NIBAN3: variants seen among roughly 807,000 people sequenced by gnomAD.
The protein encoded by NIBAN3 is protein Niban 3.
A neutral mutation model predicts 76.4 loss-of-function variants in NIBAN3; 66 were observed. The ratio of observed to expected loss-of-function variants is 0.86; its 90% CI spans 0.71 to 1.06. The LOEUF (loss-of-function observed/expected upper bound fraction) is 1.06. Ranked by LOEUF, NIBAN3 falls within the 50% of genes least tolerant of loss-of-function variation. The pLI, the probability that NIBAN3 is intolerant of heterozygous loss-of-function variation, is 0.00. For synonymous variants in NIBAN3, 360 were observed against 355.2 expected (o/e 1.01, Z -0.15); for missense variants, 808 against 810.7 (o/e 1.00, Z 0.04).
upstream of NIBAN3, chr19:17,523,530 C>T (rs894188615): frequency 5.9e-6 from 8 of 1,358,330 alleles, no homozygotes; most frequent in Non-Finnish European, 7.1e-6. Flanking sequence ...AGGCCGTGGC[C>T]CCCAGAGCGG....
chr19:17,550,476 G>A (rs886090640), intron 14 of NIBAN3, among the ~76,000 whole-genome samples: 11 of 152,056 alleles, frequency 7.2e-5, no homozygotes, highest in African/African-American at 2.7e-4. Context: ...AGACCAGCCT[G>A]GACAACATAG....
At chr19:17,539,568 T>C (rs2075899237) in intron 7 of NIBAN3, 35 bp from the exon 8 acceptor site, 1 of 1,494,364 alleles carries the variant, frequency 6.7e-7, no homozygotes, top group Non-Finnish European at 9.0e-7. Flanking sequence ...CCGCCCCGTG[T>C]CTCGGCTTTG....
At chr19:17,538,143 G>A (rs750100191) in intron 5 of NIBAN3, among the ~76,000 whole-genome samples, 17 of 151,824 alleles carry the variant, frequency 1.1e-4, no homozygotes, top group African/African-American at 2.9e-4. Context: ...GCCGCTGGGC[G>A]CGGTGGCTCA....
At chr19:17,550,942 CA>C (rs1328837147) in intron 14 of NIBAN3, among the ~76,000 whole-genome samples, 6 of 139,272 alleles carry the variant, frequency 4.3e-5, no homozygotes, top group African/African-American at 1.6e-4. Context: ...GTCATTTCAA[CA>C]GAGGGCTGTC....
At chr19:17,537,257 G>C (rs10402055) in intron 4 of NIBAN3, 119 bp from the exon 5 acceptor site, 1 of 1,019,090 alleles carries the variant, frequency 9.8e-7, no homozygotes, top group Non-Finnish European at 1.5e-6. Flanking sequence ...GGCAAGTATC[G>C]TGGTATGACT....
At position 17,543,332 on chromosome 19, in the gene NIBAN3, G is replaced by C. The variant is rs758503031; in HGVS notation, c.1345G>C (p.Val449Leu). 1 of 1,567,648 alleles carries C rather than the reference G, an allele frequency of 6.4e-7. No individual in the cohort carries two copies. Among genetic ancestry groups the C allele is most frequent in the African/African-American group, 1.3e-5 (1 of 74,176 alleles). The change falls in exon 11 of 15, where the codon GTG becomes CTG. Residue 449 changes from valine to leucine, a missense_variant. Coordinates refer to ENST00000599164, the MANE Select transcript of NIBAN3 (RefSeq NM_001321827.2). ...DLAQQLMADA[V>L]ATFLQLADQC... is the part of the protein sequence containing the mutation. ...CCTCCCACAGCTCATGGCTGACGCC[G>C]TGGCCACCTTCCTGCAGCTGGCTGA...
At chr19:17,543,462 G>C in intron 11 of NIBAN3, 29 bp downstream of exon 11, 1 of 1,609,178 alleles carries the variant, frequency 6.2e-7, no homozygotes, top group Non-Finnish European at 8.5e-7. Flanking sequence ...GGGTGGCATG[G>C]GGTGGCAGTG....
upstream of NIBAN3, chr19:17,523,596 A>G (rs2075577926): frequency 3.0e-6 from 2 of 662,990 alleles, no homozygotes; most frequent in African/African-American, 1.8e-5. Context: ...GGGACCCCAC[A>G]TGGATGGTTG....
At chr19:17,537,915 C>T (rs1346125155) in intron 5 of NIBAN3, among the ~76,000 whole-genome samples, 2 of 151,390 alleles carry the variant, frequency 1.3e-5, no homozygotes, top group Non-Finnish European at 2.9e-5. Context: ...CACTGCACTC[C>T]AGCCTGGGCA....
intron 12 of NIBAN3, chr19:17,543,985 C>G (rs1374795614): frequency 6.6e-6 from 1 of 151,306 alleles, no homozygotes; most frequent in Non-Finnish European, 1.4e-5. Flanking sequence ...GAGTGAAACT[C>G]AGTCTCAAAA....
intron 13 of NIBAN3, among the ~76,000 whole-genome samples, chr19:17,547,050 A>G (rs997970665): frequency 6.6e-6 from 1 of 152,090 alleles, no homozygotes; most frequent in Non-Finnish European, 1.5e-5. Flanking sequence ...AAGGAGGCAG[A>G]GTTCAAAAAC....
chr19:17,534,096 G>C (rs376459780), intron 4 of NIBAN3, among the ~76,000 whole-genome samples: 1 of 152,140 alleles, frequency 6.6e-6, no homozygotes, highest in African/African-American at 2.4e-5. Context: ...CCAGCTACTC[G>C]GGAGGCTGAG....
chr19:17,540,388 C>T lies in NIBAN3; in HGVS notation c.980-4C>T. 1 of 1,479,934 alleles carries T rather than the reference C, an allele frequency of 6.8e-7. No individual in the cohort carries two copies. The highest frequency in any genetic ancestry group is 9.0e-7 in the Non-Finnish European group (1 of 1,110,442). 91.7% of individuals were successfully genotyped at this position (1,479,934 alleles called of 1,614,324 possible). ...GACTCCAGACCAGTGTCTTCCACTCCCAGCGGATATCAGGGGACCGCTCGA... is the reference window on the plus strand; with the variant it reads ...GACTCCAGACCAGTGTCTTCCACTCTCAGCGGATATCAGGGGACCGCTCGA... On this transcript the variant is annotated splice_polypyrimidine_tract_variant and splice_region_variant and intron_variant, in intron 8 of 14. Transcript: ENST00000599164.
At position 17,553,584 on chromosome 19, in the gene NIBAN3, C is replaced by T; in HGVS notation, c.*1686C>T. 2 of 1,599,474 alleles carry T rather than the reference C, an allele frequency of 1.3e-6. No individual in the cohort carries two copies. Among genetic ancestry groups the T allele is most frequent in the African/African-American group, 1.3e-5 (1 of 74,730 alleles). On this transcript the variant is annotated 3_prime_UTR_variant, in exon 15 of 15. Transcript: ENST00000599164. Reference sequence around the variant, plus strand: ...AATGAGATATTCCTGACCTTTCCACCTATTTCCCTCCAACCCCACCTTCCG... The same window carrying T: ...AATGAGATATTCCTGACCTTTCCACTTATTTCCCTCCAACCCCACCTTCCG...
Position 17,530,761 on chromosome 19 carries a change from T to C in NIBAN3, c.62T>C (p.Val21Ala). The C allele has an allele frequency of 6.2e-7, 1 of 1,610,252 alleles. No homozygotes were observed. Among genetic ancestry groups the C allele is most frequent in the Non-Finnish European group, 8.5e-7 (1 of 1,177,578 alleles). Residue 21 changes from valine (V) to alanine (A), a missense_variant, in exon 2 of 15, where the codon GTG becomes GCG. Transcript: ENST00000599164. ...KQQRQHLRGQ[V>A]DTLLRNFLPC... ...TGTCCCCTTGTCCCTGCAGGTCAGG[T>C]GGACACCCTGCTGAGGAACTTCCTG...
chr19:17,535,745 C>CAAAAA (rs1163900162), intron 4 of NIBAN3, among the ~76,000 whole-genome samples: 67 of 85,996 alleles, frequency 7.8e-4, no homozygotes, highest in African/African-American at 2.8e-3. Flanking sequence ...AAGACTCTGT[C>CAAAAA]AAAAAAAAAA....
In NIBAN3 at chr19:17,539,753, G is replaced by A; in HGVS notation, c.967G>A (p.Gly323Arg). Reference protein sequence around the residue: ...QLLRQRARVAGRLRTDIRGPL... With the variant: ...QLLRQRARVARRLRTDIRGPL... The stretch of plus-strand genomic sequence containing the variant: ...GCTGCGGCAGCGGGCGCGTGTGGCG[G>A]GGCGGCTGAGGAGTGAGGCCCTGGG... The change falls in exon 8 of 15, where the codon GGG becomes AGG. Residue 323 changes from glycine (G) to arginine (R), a missense_variant. Gly to Arg is a moderately radical substitution (Grantham distance 125). Coordinates refer to ENST00000599164, the MANE Select transcript of NIBAN3 (RefSeq NM_001321827.2). 1 of 1,533,654 alleles carries A rather than the reference G, an allele frequency of 6.5e-7. No individual in the cohort carries two copies. Among genetic ancestry groups the A allele is most frequent in the Non-Finnish European group, 8.8e-7 (1 of 1,142,168 alleles).
rs550483625 is a variant in NIBAN3 at position 17,532,086 on chromosome 19, C to T, written c.187-177C>T. Among the ~76,000 whole-genome samples the T allele has an allele frequency of 3.3e-5, 5 of 152,326 alleles. 1 individual carries two copies. The highest frequency in any genetic ancestry group is 4.1e-4 in the South Asian group (2 of 4,822). On this transcript the variant is annotated intron_variant, in intron 2 of 14. Coordinates refer to ENST00000599164, the MANE Select transcript of NIBAN3 (RefSeq NM_001321827.2). The stretch of plus-strand genomic sequence containing the variant: ...ACTTCCCAGCTGTGCCCACCCAGGG[C>T]GGGGGGCTCCAGGAGCTGTGGACAC...
chr19:17,550,406 C>T (rs900266565), intron 14 of NIBAN3, among the ~76,000 whole-genome samples: 1 of 152,110 alleles, frequency 6.6e-6, no homozygotes, highest in Admixed American at 6.6e-5. Flanking sequence ...GTGGCTCATG[C>T]CTGGAATCCC....
Sources: gnomAD v4.1 joint callset for allele counts (sites outside exome capture counted in the v4.1 genomes callset) on GRCh38, gnomAD v4.1.1 for gene constraint, MANE v1.5 for transcripts, NCBI Gene and HGNC (gene_info 2026-07-23, HGNC 2026-07-21) for gene names.